GRIN2A: variants seen among roughly 807,000 people sequenced by gnomAD.
GRIN2A encodes the protein glutamate receptor ionotropic, NMDA 2A.
In GRIN2A, 22 loss-of-function variants were observed where a neutral mutation model predicts 113.4. The ratio of observed to expected loss-of-function variants is 0.19; its 90% CI spans 0.14 to 0.28. GRIN2A has a LOEUF of 0.28. Among genes scored for constraint, GRIN2A ranks in the 10% least tolerant of loss-of-function variants. The pLI is 1.00. For missense variants in GRIN2A, 1,502 were observed against 1,887.0 expected (o/e 0.80, Z 3.78); for synonymous variants, 827 against 738.4 (o/e 1.12, Z -1.94).
chr16:9,997,717 G>A (rs186770339), intron 2 of GRIN2A, among the ~76,000 whole-genome samples: 1 of 152,268 alleles, frequency 6.6e-6, no homozygotes, highest in Non-Finnish European at 1.5e-5. Flanking sequence ...GTCATGGGAG[G>A]GACCCAGTGG....
At chr16:10,012,026 T>C (rs1250684286) in intron 2 of GRIN2A, among the ~76,000 whole-genome samples, 3 of 152,194 alleles carry the variant, frequency 2.0e-5, no homozygotes, top group Non-Finnish European at 4.4e-5. Context: ...ACTAATTAGT[T>C]AGGATCCCAG....
chr16:9,913,040 G>A (rs1022620283), intron 3 of GRIN2A, among the ~76,000 whole-genome samples: 1 of 152,244 alleles, frequency 6.6e-6, no homozygotes, highest in Non-Finnish European at 1.5e-5. Context: ...GAAGATTCCA[G>A]TGTCCACATG....
At chr16:10,006,089 C>T (rs1345801734) in intron 2 of GRIN2A, among the ~76,000 whole-genome samples, 1 of 152,166 alleles carries the variant, frequency 6.6e-6, no homozygotes, top group Non-Finnish European at 1.5e-5. Context: ...AGAAAATAAG[C>T]TCCCAAATAC....
chr16:9,771,462 C>G (rs1438185168), intron 11 of GRIN2A, among the ~76,000 whole-genome samples: 1 of 151,756 alleles, frequency 6.6e-6, no homozygotes, highest in Non-Finnish European at 1.5e-5. Flanking sequence ...ATATCCCATC[C>G]TTTTGTTATA....
chr16:9,798,571 GTGA>G, intron 10 of GRIN2A, 107 bp from the exon 11 acceptor site: 1 of 790,820 alleles, frequency 1.3e-6, no homozygotes, highest in East Asian at 2.5e-5. Context: ...TTTCATGCTG[GTGA>G]TGATGACTCA....
At chr16:9,864,680 G>A (rs1028732813) in intron 4 of GRIN2A, among the ~76,000 whole-genome samples, 1 of 152,134 alleles carries the variant, frequency 6.6e-6, no homozygotes, top group African/African-American at 2.4e-5. Flanking sequence ...CATTGACTGT[G>A]TCTGCAGAGT....
chr16:10,011,689 T>C (rs754313530), intron 2 of GRIN2A, among the ~76,000 whole-genome samples: 1 of 152,150 alleles, frequency 6.6e-6, no homozygotes, highest in African/African-American at 2.4e-5. Flanking sequence ...ATTATTTTTT[T>C]TTAATCTAAG....
chr16:10,053,578 AG>A (rs1271331917), intron 2 of GRIN2A, among the ~76,000 whole-genome samples: 8 of 152,294 alleles, frequency 5.3e-5, no homozygotes, highest in African/African-American at 1.9e-4. Context: ...ACAAGTTCAT[AG>A]GAGTTTTAGG....
At chr16:9,968,619 A>AT (rs1567206691) in intron 2 of GRIN2A, among the ~76,000 whole-genome samples, 1 of 149,402 alleles carries the variant, frequency 6.7e-6, no homozygotes. Flanking sequence ...GGTCGTATTT[A>AT]TTTTTTTGAC....
At chr16:10,094,697 G>A (rs1031488777) in intron 2 of GRIN2A, among the ~76,000 whole-genome samples, 5 of 152,030 alleles carry the variant, frequency 3.3e-5, no homozygotes, top group East Asian at 1.9e-4. Context: ...TGATCTGCCC[G>A]CCTCAACCTC....
In GRIN2A at chr16:10,101,523, C is replaced by T. The variant is rs561419655; in HGVS notation, c.414+78475G>A. Among the ~76,000 whole-genome samples the T allele has an allele frequency of 8.5e-5, 13 of 152,244 alleles. No homozygotes were observed. The East Asian group carries it at 2.5e-3, about 29-fold the overall frequency. ...TTCTGAGCAACAGCAGATGTTGGGG[C>T]TTCGAGAAAGATTGCTCTCTGCTTT... On this transcript the variant is annotated intron_variant, in intron 2 of 12. Transcript: ENST00000330684.
At chr16:10,081,145 C>G (rs1377338719) in intron 2 of GRIN2A, among the ~76,000 whole-genome samples, 1 of 152,208 alleles carries the variant, frequency 6.6e-6, no homozygotes. Context: ...TTCCGAGGCT[C>G]TTACATGCTT....
intron 2 of GRIN2A, among the ~76,000 whole-genome samples, chr16:10,038,075 A>C: frequency 7.0e-6 from 1 of 142,574 alleles, no homozygotes; most frequent in Admixed American, 7.3e-5. Flanking sequence ...CTGCGCGTAA[A>C]AACAACAGAC....
intron 7 of GRIN2A, among the ~76,000 whole-genome samples, chr16:9,840,416 C>T (rs1014128816): frequency 2.0e-5 from 3 of 152,114 alleles, no homozygotes; most frequent in Admixed American, 6.5e-5. Context: ...ATCCCGTCAC[C>T]TCCCATCAGG....
intron 2 of GRIN2A, among the ~76,000 whole-genome samples, chr16:10,046,554 A>G (rs187860800): frequency 2.6e-5 from 4 of 152,264 alleles, no homozygotes; most frequent in Admixed American, 2.6e-4. Flanking sequence ...ATTAGTAGTC[A>G]AAACATCACC....
intron 2 of GRIN2A, among the ~76,000 whole-genome samples, chr16:9,951,196 A>T (rs2045171130): frequency 6.6e-6 from 1 of 152,150 alleles, no homozygotes; most frequent in South Asian, 2.1e-4. Context: ...AGAAGAATGC[A>T]CCCTGAACTA....
In GRIN2A at chr16:9,755,504, G is replaced by C. The variant is rs1437473183; in HGVS notation, c.*7645C>G. On this transcript the variant is annotated 3_prime_UTR_variant, in exon 13 of 13. Transcript: ENST00000330684. The stretch of plus-strand genomic sequence containing the variant: ...TTTCTCATAGACTAGCACTTAACTT[G>C]CATTAAGTTAGCTAACTCTCCAGAG... The C allele has an allele frequency of 2.2e-5, 4 of 182,396 alleles. No individual in the cohort carries two copies. The highest frequency in any genetic ancestry group is 9.4e-5 in the African/African-American group (4 of 42,436). 11.3% of individuals were successfully genotyped at this position (182,396 alleles called of 1,614,324 possible). A position where few individuals can be genotyped will look rare whatever the true frequency, so the allele number is the denominator to read the frequency against.
intron 2 of GRIN2A, among the ~76,000 whole-genome samples, chr16:10,111,086 A>G (rs2048604195): frequency 6.6e-6 from 1 of 152,256 alleles, no homozygotes; most frequent in Non-Finnish European, 1.5e-5. Context: ...GATTGAAATG[A>G]GACAGTTTGG....
At chr16:9,848,054 A>G (rs2042807867) in intron 5 of GRIN2A, among the ~76,000 whole-genome samples, 1 of 146,808 alleles carries the variant, frequency 6.8e-6, no homozygotes, top group Non-Finnish European at 1.5e-5. Context: ...ATTTTAACAT[A>G]TAAATATATA....
Sources: gnomAD v4.1 joint callset for allele counts (sites outside exome capture counted in the v4.1 genomes callset) on GRCh38, gnomAD v4.1.1 for gene constraint, MANE v1.5 for transcripts, NCBI Gene and HGNC (gene_info 2026-07-23, HGNC 2026-07-21) for gene names.